The following PARN variants were observed in gnomAD, a reference collection of about 807,000 sequenced individuals.
PARN encodes the protein poly(A)-specific ribonuclease.
Under a neutral mutation model 102.8 loss-of-function variants are expected in PARN, and 71 were observed. The ratio of observed to expected loss-of-function variants is 0.69; its 90% CI spans 0.57 to 0.84. The LOEUF (loss-of-function observed/expected upper bound fraction) is 0.84. Ranked by LOEUF, PARN falls within the 40% of genes least tolerant of loss-of-function variation. The probability of loss-of-function intolerance (pLI) is 0.00; values close to 1 mark genes in which losing one functional copy is unlikely to be tolerated. For synonymous variants in PARN, 261 were observed against 252.9 expected (o/e 1.03, Z -0.30); for missense variants, 782 against 760.9 (o/e 1.03, Z -0.33).
chr16:14,584,886 T>C (rs889510965), intron 14 of PARN, 95 bp from the exon 15 acceptor site: 41 of 648,518 alleles, frequency 6.3e-5, no homozygotes, highest in Non-Finnish European at 1.0e-4. Context: ...ACTTCATACA[T>C]AAAAAACATA....
At chr16:14,604,018 A>T in intron 11 of PARN, 128 bp downstream of exon 11, 1 of 723,606 alleles carries the variant, frequency 1.4e-6, no homozygotes, top group East Asian at 2.7e-5. Context: ...TTTTCTGCCA[A>T]TTCCATTGTT....
intron 18 of PARN, among the ~76,000 whole-genome samples, chr16:14,566,240 A>G (rs1022516477): frequency 6.6e-6 from 1 of 152,186 alleles, no homozygotes; most frequent in Non-Finnish European, 1.5e-5. Flanking sequence ...GATTGATGAT[A>G]TTATCTGGGA....
chr16:14,547,457 G>C (rs1167466556), intron 21 of PARN, among the ~76,000 whole-genome samples: 1 of 152,148 alleles, frequency 6.6e-6, no homozygotes, highest in East Asian at 1.9e-4. Flanking sequence ...TGTAATCCCA[G>C]CACTTTGGGA....
chr16:14,600,142 C>T (rs939999033), intron 11 of PARN, among the ~76,000 whole-genome samples, 182 bp from the exon 12 acceptor site: 1 of 152,148 alleles, frequency 6.6e-6, no homozygotes, highest in African/African-American at 2.4e-5. Context: ...ACATACTTTT[C>T]TTCTATTTTA....
intron 6 of PARN, among the ~76,000 whole-genome samples, chr16:14,613,030 C>T (rs1306418321): frequency 2.0e-5 from 3 of 146,840 alleles, no homozygotes; most frequent in South Asian, 2.4e-4. Context: ...TCCATGGGGA[C>T]GGGGCGCGGT....
intron 18 of PARN, among the ~76,000 whole-genome samples, chr16:14,571,110 G>A (rs974631314): frequency 4.0e-5 from 6 of 151,820 alleles, no homozygotes; most frequent in Admixed American, 6.5e-5. Flanking sequence ...AACTCCAGGC[G>A]CGGTGGCTCA....
At chr16:14,627,082 A>C (rs1422056755) in intron 5 of PARN, 24 bp downstream of exon 5, 9 of 1,398,870 alleles carry the variant, frequency 6.4e-6, no homozygotes, top group Non-Finnish European at 8.1e-6. Context: ...TTCAGAAAAG[A>C]AAAATCTCAA....
intron 22 of PARN, among the ~76,000 whole-genome samples, chr16:14,448,725 GAGA>G (rs1961310260): frequency 6.6e-6 from 1 of 152,240 alleles, no homozygotes; most frequent in South Asian, 2.1e-4. Context: ...GGGGACAGAG[GAGA>G]AGAACACACT....
chr16:14,582,528 C>T (rs758032300), intron 16 of PARN, among the ~76,000 whole-genome samples: 16 of 152,040 alleles, frequency 1.1e-4, no homozygotes, highest in Non-Finnish European at 1.9e-4. Flanking sequence ...AGGACTCAGC[C>T]GTGGGCTTTC....
chr16:14,555,689 A>G lies in PARN; in HGVS notation c.1283T>C (p.Met428Thr). ...TTCCAAGTTTAGATAGGGGATATCC[A>G]TGACCCTCATAAGAAATAACCTACA... The part of the protein sequence containing the change: ...FFNKLFLMRV[M>T]DIPYLNLEGP... Residue 428 changes from methionine to threonine, a missense_variant, in exon 19 of 24, where the codon ATG becomes ACG. Physicochemically the swap from Met to Thr is moderately conservative, Grantham distance 81. Transcript: ENST00000437198. 2.0e-6 allele frequency: 3 copies of G among 1,489,008 alleles called. No individual in the cohort carries two copies. The highest frequency in any genetic ancestry group is 1.3e-5 in the South Asian group (1 of 76,950). The allele number at this position is 1,489,008 out of a possible 1,614,324, so 92.2% of individuals were successfully genotyped here. A position where few individuals can be genotyped will look rare whatever the true frequency, so the allele number is the denominator to read the frequency against.
chr16:14,565,095 C>T (rs1448234445), intron 18 of PARN: 1 of 152,102 alleles, frequency 6.6e-6, no homozygotes, highest in East Asian at 1.9e-4. Flanking sequence ...TCATAAGAAC[C>T]CTGTATGCAA....
chr16:14,608,657 C>T (rs1971338397), intron 8 of PARN, among the ~76,000 whole-genome samples: 1 of 152,150 alleles, frequency 6.6e-6, no homozygotes, highest in Non-Finnish European at 1.5e-5. Context: ...GAAAAAAAGA[C>T]AATCACGTTA....
At chr16:14,544,375 G>C (rs1225863740) in intron 21 of PARN, among the ~76,000 whole-genome samples, 1 of 152,074 alleles carries the variant, frequency 6.6e-6, no homozygotes, top group East Asian at 1.9e-4. Context: ...AGGAGATCGA[G>C]ATCAGCCTGG....
At chr16:14,439,053 G>C (rs1960834330) in intron 23 of PARN, among the ~76,000 whole-genome samples, 1 of 152,152 alleles carries the variant, frequency 6.6e-6, no homozygotes, top group African/African-American at 2.4e-5. Flanking sequence ...GGAGTGTAAG[G>C]AATCATTTAG....
In PARN at chr16:14,522,260, G is replaced by A. The variant is rs540900333; in HGVS notation, c.1480+29761C>T. Among the ~76,000 whole-genome samples the A allele has an allele frequency of 2.0e-5, 3 of 152,298 alleles. No homozygotes were observed. The East Asian group carries it at 5.8e-4, about 29-fold the overall frequency. On this transcript the variant is annotated intron_variant, in intron 21 of 23. Coordinates refer to ENST00000437198, the MANE Select transcript of PARN (RefSeq NM_002582.4). ...GCACATCAAGAACCAAACAGAATTG[G>A]GGTGCAGGTGAGGAGGTGGGCTGAG...
chr16:14,512,561 A>G (rs1474077980), intron 21 of PARN, among the ~76,000 whole-genome samples: 1 of 152,084 alleles, frequency 6.6e-6, no homozygotes, highest in Non-Finnish European at 1.5e-5. Flanking sequence ...CACCTGGGGG[A>G]ATGGTGTGTC....
intron 21 of PARN, among the ~76,000 whole-genome samples, chr16:14,547,082 G>T (rs1966994636): frequency 6.8e-6 from 1 of 146,372 alleles, no homozygotes; most frequent in Non-Finnish European, 1.5e-5. Flanking sequence ...AACAGAGAGA[G>T]ACCCTGTCTC....
At chr16:14,511,491 T>C (rs1362849205) in intron 21 of PARN, among the ~76,000 whole-genome samples, 3 of 151,836 alleles carry the variant, frequency 2.0e-5, no homozygotes, top group Non-Finnish European at 4.4e-5. Flanking sequence ...AGCAGATAAA[T>C]TCCTACACTA....
chr16:14,579,822 A>G (rs1370175391), intron 18 of PARN, among the ~76,000 whole-genome samples: 1 of 152,048 alleles, frequency 6.6e-6, no homozygotes, highest in East Asian at 1.9e-4. Context: ...CTAAAAATAT[A>G]AAGATTAGCC....
Sources: allele counts gnomAD v4.1 joint callset (sites outside exome capture counted in the v4.1 genomes callset), GRCh38; gene constraint gnomAD v4.1.1; transcripts MANE v1.5; gene names NCBI Gene and HGNC (gene_info 2026-07-23, HGNC 2026-07-21).